Variants in MEGF10 observed in about 807,000 individuals in gnomAD.
The protein encoded by MEGF10 is multiple epidermal growth factor-like domains protein 10.
In MEGF10, 86 loss-of-function variants were observed where a neutral mutation model predicts 147.5. That is an observed-to-expected ratio of 0.58 (90% CI 0.49 to 0.70). The LOEUF (loss-of-function observed/expected upper bound fraction) is 0.70. Among genes scored for constraint, MEGF10 ranks in the 30% least tolerant of loss-of-function variants. The pLI is 0.00. For missense variants in MEGF10, 1,329 were observed against 1,487.3 expected (o/e 0.89, Z 1.75); for synonymous variants, 478 against 525.5 (o/e 0.91, Z 1.24).
the MEGF10 span, among the ~76,000 whole-genome samples, chr5:127,248,580 C>G: frequency 0.094 from 14,232 of 151,950 alleles, 1,072 homozygotes; most frequent in African/African-American, 0.21. Context: ...GTAATAATTT[C>G]CCTCAGTGGC....
intron 3 of MEGF10, among the ~76,000 whole-genome samples, 158 bp downstream of exon 3, chr5:127,339,379 G>T (rs1234169106): frequency 6.6e-6 from 1 of 152,108 alleles, no homozygotes; most frequent in Non-Finnish European, 1.5e-5. Flanking sequence ...AGGGGATGTA[G>T]AAAAGCAGAA....
intron 7 of MEGF10, 120 bp downstream of exon 7, chr5:127,398,916 C>A: frequency 2.9e-6 from 4 of 1,383,870 alleles, no homozygotes; most frequent in East Asian, 2.3e-5. Flanking sequence ...GTTGAAGATT[C>A]CAAAATTGGA....
At chr5:127,412,470 A>T (rs1764610741) in intron 9 of MEGF10, among the ~76,000 whole-genome samples, 1 of 152,226 alleles carries the variant, frequency 6.6e-6, no homozygotes, top group South Asian at 2.1e-4. Flanking sequence ...TGTTCACATT[A>T]GCATTTATCA....
At position 127,445,582 on chromosome 5, in the gene MEGF10, C is replaced by T. The variant is rs1248557565; in HGVS notation, c.2617C>T (p.Leu873=). 1 of 1,614,100 alleles carries T rather than the reference C, an allele frequency of 6.2e-7. No homozygotes were observed. Among genetic ancestry groups the T allele is most frequent in the Non-Finnish European group, 8.5e-7 (1 of 1,179,986 alleles). Residue 873 remains leucine, a synonymous_variant, in exon 20 of 25, where the codon CTG becomes TTG. Coordinates refer to ENST00000503335, the MANE Select transcript of MEGF10 (RefSeq NM_001256545.2). ...TCTTGTCCTAGTTGTTCTCTTCCTA[C>T]TGGCATTGTTCATTATTTATAGACA... ...IILVLVVLFL[L]ALFIIYRHKQ...
chr5:127,387,853 G>A (rs1278732490), intron 5 of MEGF10, among the ~76,000 whole-genome samples: 2 of 152,108 alleles, frequency 1.3e-5, no homozygotes, highest in Admixed American at 6.6e-5. Context: ...AAAGCCTCCC[G>A]CTCCACTCTC....
the MEGF10 span, among the ~76,000 whole-genome samples, chr5:127,285,625 C>A: frequency 6.6e-6 from 1 of 151,832 alleles, no homozygotes; most frequent in Admixed American, 6.6e-5. Flanking sequence ...AACAATCTAC[C>A]CAATAGCAGC....
At chr5:127,372,210 A>G (rs1762873713) in intron 5 of MEGF10, among the ~76,000 whole-genome samples, 1 of 152,246 alleles carries the variant, frequency 6.6e-6, no homozygotes, top group Non-Finnish European at 1.5e-5. Flanking sequence ...GATCCATAAT[A>G]TAATTGCTTT....
At chr5:127,259,110 A>G in the MEGF10 span, among the ~76,000 whole-genome samples, 2 of 152,138 alleles carry the variant, frequency 1.3e-5, no homozygotes, top group African/African-American at 4.8e-5. Context: ...ACAATTCCAG[A>G]TGAGAATAGG....
chr5:127,316,838 G>A (rs1760566962), intron 1 of MEGF10, among the ~76,000 whole-genome samples: 1 of 152,168 alleles, frequency 6.6e-6, no homozygotes, highest in African/African-American at 2.4e-5. Context: ...CTCTTGGGAT[G>A]TTTCAGGGTG....
rs202070491 is a variant in MEGF10 at position 127,457,136 on chromosome 5, G to A, written c.3241G>A (p.Val1081Met). 48 of 1,611,864 alleles carry A rather than the reference G, an allele frequency of 3.0e-5. No homozygotes were observed. In the East Asian group the frequency reaches 1.0e-3, roughly 34 times the overall value. Residue 1081 changes from valine (V) to methionine (M), a missense_variant, in exon 25 of 25, where the codon GTG becomes ATG. By Grantham distance (21) the Val-to-Met change is conservative. Around this residue, in one of 3 missense-constraint regions of MEGF10, gnomAD observed 343 missense variants for 377.9 expected, o/e 0.91. Transcript: ENST00000503335. ...GTCCTTGGTTATCACAGAACCTACA[G>A]TGAGTGTTGTCCAAGGAGTATTCAG... ...NRNVYEVEPTVSVVQGVFSNN... is the reference protein window; with the variant it reads ...NRNVYEVEPTMSVVQGVFSNN...
intron 1 of MEGF10, 145 bp from the exon 2 acceptor site, chr5:127,331,146 T>A: frequency 1.8e-6 from 1 of 560,420 alleles, no homozygotes; most frequent in African/African-American, 1.9e-5. Flanking sequence ...ACCATGGAAT[T>A]TGGTGACCTG....
At chr5:127,319,233 G>T (rs903134836) in intron 1 of MEGF10, among the ~76,000 whole-genome samples, 1 of 151,940 alleles carries the variant, frequency 6.6e-6, no homozygotes, top group Non-Finnish European at 1.5e-5. Context: ...CTGCCACCAT[G>T]CCTGGCTAAT....
chr5:127,357,263 T>G (rs893577218), intron 4 of MEGF10, among the ~76,000 whole-genome samples: 3 of 152,160 alleles, frequency 2.0e-5, no homozygotes, highest in African/African-American at 7.2e-5. Context: ...CTCCCCCAAA[T>G]TTTGAACTAT....
intron 2 of MEGF10, among the ~76,000 whole-genome samples, chr5:127,333,525 TA>T (rs1418645780): frequency 4.0e-5 from 6 of 148,688 alleles, no homozygotes; most frequent in Admixed American, 6.7e-5. Flanking sequence ...AAAATAAAAA[TA>T]AAAATAAAAA....
At chr5:127,260,204 AT>A in the MEGF10 span, among the ~76,000 whole-genome samples, 1 of 152,038 alleles carries the variant, frequency 6.6e-6, no homozygotes, top group Non-Finnish European at 1.5e-5. Flanking sequence ...TGTAAAAAAA[AT>A]AAAAAAGAAT....
the MEGF10 span, among the ~76,000 whole-genome samples, chr5:127,242,593 G>A: frequency 6.6e-6 from 1 of 152,108 alleles, no homozygotes; most frequent in Non-Finnish European, 1.5e-5. Context: ...ATTTCAAAAA[G>A]GGTAAACACA....
chr5:127,270,580 A>G, the MEGF10 span, among the ~76,000 whole-genome samples: 1 of 152,236 alleles, frequency 6.6e-6, no homozygotes, highest in African/African-American at 2.4e-5. Flanking sequence ...CAGATTTGTA[A>G]AGCAAGTCCT....
At chr5:127,414,267 G>C (rs1181212180) in intron 9 of MEGF10, among the ~76,000 whole-genome samples, 2 of 151,996 alleles carry the variant, frequency 1.3e-5, no homozygotes, top group Non-Finnish European at 2.9e-5. Context: ...AAGCAAACCT[G>C]GGTTCAAGTT....
At chr5:127,439,571 C>G (rs1246486358) in intron 17 of MEGF10, among the ~76,000 whole-genome samples, 1 of 152,164 alleles carries the variant, frequency 6.6e-6, no homozygotes, top group African/African-American at 2.4e-5. Context: ...GTTCGTATAT[C>G]TATAAATATT....
Sources: gnomAD v4.1 joint callset for allele counts (sites outside exome capture counted in the v4.1 genomes callset) on GRCh38, gnomAD v4.1.1 for gene constraint, gnomAD v4.1.1 regional missense constraint, MANE v1.5 for transcripts, NCBI Gene and HGNC (gene_info 2026-07-23, HGNC 2026-07-21) for gene names.